The following ADAT1 variants were observed in gnomAD, a reference collection of about 807,000 sequenced individuals.
ADAT1 encodes the protein adenosine deaminase tRNA specific 1.
Under a neutral mutation model 58.6 loss-of-function variants are expected in ADAT1, and 58 were observed. That is an observed-to-expected ratio of 0.99 (90% CI 0.80 to 1.23). ADAT1 has a LOEUF of 1.23. Ranked by LOEUF, ADAT1 falls within the 50% of genes most tolerant of loss-of-function variation. The pLI is 0.00. For synonymous variants in ADAT1, 254 were observed against 220.8 expected, an observed-to-expected ratio of 1.15 and a Z score of -1.33; for missense variants, 741 against 608.6, an observed-to-expected ratio of 1.22 and a Z score of -2.29.
In ADAT1 at chr16:75,613,174, G is replaced by A. The variant is rs531778704; in HGVS notation, c.425-313C>T. Among the ~76,000 whole-genome samples, 7 of 152,260 alleles carry A rather than the reference G, an allele frequency of 4.6e-5. No homozygotes were observed. The South Asian group carries it at 1.0e-3, about 23-fold the overall frequency. ...GGGCTCTTGTTGAAGACTCTATCCT[G>A]GACCCAGTGAGTTGGAATTTCTGGA... is the stretch of plus-strand genomic sequence containing the variant. On this transcript the variant is annotated intron_variant, in intron 5 of 9. Transcript: ENST00000564657.
At chr16:75,603,907 A>G (rs77196163) in intron 8 of ADAT1, among the ~76,000 whole-genome samples, 3,064 of 152,058 alleles carry the variant, frequency 0.02, 103 homozygotes, top group African/African-American at 0.07. Context: ...CATCACTGCT[A>G]CATGTAAAAT....
intron 8 of ADAT1, among the ~76,000 whole-genome samples, chr16:75,604,456 A>AAAAAAAAAAATAT (rs1555508674): frequency 1.0e-4 from 5 of 48,784 alleles, no homozygotes; most frequent in African/African-American, 4.2e-4. Flanking sequence ...AAAAAAAAAA[A>AAAAAAAAAAATAT]ATATATATAT....
chr16:75,599,065 T>C lies in ADAT1; in HGVS notation c.*1151A>G, dbSNP rs1597079734. On this transcript the variant is annotated 3_prime_UTR_variant, in exon 10 of 10. Transcript: ENST00000564657. ...TCTATTGCTGATTTGCTGCAGGGCC[T>C]TTTGGCTTCTTTTTTTTTTTTTTTT... 5 of 982,066 alleles carry C rather than the reference T, an allele frequency of 5.1e-6. No individual in the cohort carries two copies. The highest frequency in any genetic ancestry group is 6.0e-6 in the Non-Finnish European group (5 of 829,540). The allele number at this position is 982,066 out of a possible 1,614,324, so 60.8% of individuals were successfully genotyped here.
At chr16:75,602,023 G>A (rs1385968080) in intron 9 of ADAT1, 4 of 150,784 alleles carry the variant, frequency 2.7e-5, no homozygotes, top group South Asian at 2.1e-4. Flanking sequence ...CTGATCACAC[G>A]TGAGTTTCTG....
At chr16:75,608,117 T>C (rs1041320898) in intron 8 of ADAT1, 107 bp downstream of exon 8, 2 of 902,874 alleles carry the variant, frequency 2.2e-6, no homozygotes, top group Non-Finnish European at 3.6e-6. Flanking sequence ...TAGTGACTGC[T>C]AATGGGTATG....
At chr16:75,608,160 G>C (rs1420897917) in intron 8 of ADAT1, 64 bp downstream of exon 8, 2 of 1,393,894 alleles carry the variant, frequency 1.4e-6, no homozygotes, top group African/African-American at 2.8e-5. Context: ...AAATGTTCTA[G>C]AATTAGATAG....
At chr16:75,601,782 C>T (rs2081237644) in intron 9 of ADAT1, 1 of 152,144 alleles carries the variant, frequency 6.6e-6, no homozygotes, top group Non-Finnish European at 1.5e-5. Context: ...CACCTAAATT[C>T]AGATTTGACA....
Position 75,603,814 on chromosome 16 carries a change from T to C in ADAT1, c.1290-643A>G, listed in dbSNP as rs575667703. Reference sequence around the variant, plus strand: ...TCTAGAAATTGGGAAATGCTGTGTATACCAACAATGTGCAGTCTCACTTTT... The same window carrying C: ...TCTAGAAATTGGGAAATGCTGTGTACACCAACAATGTGCAGTCTCACTTTT... On this transcript the variant is annotated intron_variant, in intron 8 of 9. Transcript: ENST00000564657. 5.5e-4 allele frequency among the ~76,000 whole-genome samples: 84 copies of C among 152,298 alleles called. No homozygotes were observed. In the Middle Eastern group the frequency reaches 0.017, roughly 31 times the overall value.
In ADAT1 at chr16:75,612,384, T is replaced by G; in HGVS notation, c.902A>C (p.Asp301Ala). ...GAGGACGTTCCATCGGGCCATCTTG[T>G]CACTACAGGACATGGAGCGTGTTCT... is the stretch of plus-strand genomic sequence containing the variant. ...GDRTRSMSCS[D>A]KMARWNVLGC... Residue 301 changes from aspartate to alanine, a missense_variant, in exon 6 of 10, where the codon GAC becomes GCC. Asp to Ala is a moderately radical substitution (Grantham distance 126). Coordinates refer to ENST00000564657, the MANE Select transcript of ADAT1 (RefSeq NM_001324445.2). The G allele has an allele frequency of 1.2e-6, 2 of 1,614,234 alleles. No homozygotes were observed. The highest frequency in any genetic ancestry group is 1.7e-6 in the Non-Finnish European group (2 of 1,180,038).
At chr16:75,617,417 G>T in intron 4 of ADAT1, 145 bp from the exon 5 acceptor site, 1 of 852,456 alleles carries the variant, frequency 1.2e-6, no homozygotes. Flanking sequence ...CTAGACCAGT[G>T]ATTCTCAAAG....
At chr16:75,606,472 T>A (rs911832006) in intron 8 of ADAT1, among the ~76,000 whole-genome samples, 1 of 152,200 alleles carries the variant, frequency 6.6e-6, no homozygotes, top group Non-Finnish European at 1.5e-5. Flanking sequence ...CTTTCTTGGA[T>A]TGCCTGTTCT....
intron 6 of ADAT1, among the ~76,000 whole-genome samples, chr16:75,611,626 C>T (rs1303271153): frequency 6.6e-6 from 1 of 152,020 alleles, no homozygotes; most frequent in Non-Finnish European, 1.5e-5. Context: ...AAGCAATCCG[C>T]CCCCCTCGAC....
In ADAT1 at chr16:75,612,840, G is replaced by A. The variant is rs770715111; in HGVS notation, c.446C>T (p.Pro149Leu). ...HTPCGDASII[P>L]MLEFEDQPCC... ...AGGCTGATCTTCAAACTCAAGCATC[G>A]GAATGATGGAGGCATCCCCACCTGC... Residue 149 changes from proline (P) to leucine (L), a missense_variant, in exon 6 of 10, where the codon CCG becomes CTG. Transcript: ENST00000564657. The A allele has an allele frequency of 5.6e-6, 9 of 1,613,602 alleles. No homozygotes were observed. The highest frequency in any genetic ancestry group is 1.3e-5 in the African/African-American group (1 of 74,822).
At chr16:75,608,532 T>C (rs2081430906) in intron 7 of ADAT1, 1 of 582,112 alleles carries the variant, frequency 1.7e-6, no homozygotes. Context: ...TAACAATCAC[T>C]GAGCATTTAT....
intron 5 of ADAT1, among the ~76,000 whole-genome samples, chr16:75,614,989 C>T (rs1166172941): frequency 2.0e-5 from 3 of 152,008 alleles, no homozygotes; most frequent in African/African-American, 4.8e-5. Flanking sequence ...CTTTGGGAGG[C>T]CGAGGTGGGC....
At chr16:75,609,104 T>A in intron 6 of ADAT1, 116 bp from the exon 7 acceptor site, 1 of 1,229,146 alleles carries the variant, frequency 8.1e-7, no homozygotes, top group Non-Finnish European at 1.1e-6. Context: ...TTTGTTTATT[T>A]ATTTGGGCAG....
At chr16:75,614,733 A>G (rs1374272736) in intron 5 of ADAT1, among the ~76,000 whole-genome samples, 1 of 152,204 alleles carries the variant, frequency 6.6e-6, no homozygotes, top group Admixed American at 6.5e-5. Context: ...AACCCAGCCA[A>G]CAAATTATTA....
intron 9 of ADAT1, 113 bp from the exon 10 acceptor site, chr16:75,600,461 A>G: frequency 1.3e-6 from 2 of 1,482,796 alleles, no homozygotes; most frequent in South Asian, 1.3e-5. Context: ...TTAGGTAGAG[A>G]AGGAGTTCAG....
At position 75,620,680 on chromosome 16, in the gene ADAT1, T is replaced by C. The variant is rs2081904787; in HGVS notation, c.120A>G (p.Ile40Met). Residue 40 changes from isoleucine to methionine, a missense_variant, in exon 2 of 10, where the codon ATA becomes ATG. Transcript: ENST00000564657. ...EWTLLAAVVK[I>M]QSPADKACDT... ...CGCAGGCCTTGTCAGCTGGAGATTG[T>C]ATCTTCACCACCGCTGCCAATAATG... 1.2e-6 allele frequency: 2 copies of C among 1,614,022 alleles called. No homozygotes were observed. The highest frequency in any genetic ancestry group is 1.7e-6 in the Non-Finnish European group (2 of 1,180,040).
Sources: gnomAD v4.1 joint callset for allele counts (sites outside exome capture counted in the v4.1 genomes callset) on GRCh38, gnomAD v4.1.1 for gene constraint, MANE v1.5 for transcripts, NCBI Gene and HGNC (gene_info 2026-07-23, HGNC 2026-07-21) for gene names.